The following CDK5RAP2 variants were observed in gnomAD, a reference collection of about 807,000 sequenced individuals.
CDK5RAP2 encodes the protein CDK5 regulatory subunit associated protein 2.
In CDK5RAP2, 147 loss-of-function variants were observed where a neutral mutation model predicts 232.9. The observed-to-expected ratio is 0.63, with a 90% confidence interval of 0.55 to 0.72. CDK5RAP2 has a LOEUF of 0.72. CDK5RAP2 is among the 30% of genes least tolerant of loss of function. CDK5RAP2 has a pLI of 0.00. For missense variants in CDK5RAP2, 2,195 were observed against 2,231.5 expected (o/e 0.98, Z 0.33); for synonymous variants, 833 against 833.7 (o/e 1.00, Z 0.01).
intron 12 of CDK5RAP2, among the ~76,000 whole-genome samples, chr9:120,495,808 G>A: frequency 1.3e-4 from 6 of 47,900 alleles, no homozygotes; most frequent in African/African-American, 5.1e-4. Context: ...AGGTGGGGGG[G>A]TCAGCCCCCC....
At chr9:120,549,476 T>G (rs182195261) in intron 4 of CDK5RAP2, among the ~76,000 whole-genome samples, 1 of 152,148 alleles carries the variant, frequency 6.6e-6, no homozygotes, top group Non-Finnish European at 1.5e-5. Flanking sequence ...AGTCAGACAA[T>G]TGAAGTGGTA....
At chr9:120,572,471 T>C (rs2042888723) in intron 1 of CDK5RAP2, among the ~76,000 whole-genome samples, 1 of 152,234 alleles carries the variant, frequency 6.6e-6, no homozygotes, top group Non-Finnish European at 1.5e-5. Context: ...TTGTTGTTGT[T>C]ACTATTATCA....
intron 3 of CDK5RAP2, among the ~76,000 whole-genome samples, chr9:120,565,953 A>C (rs2042631714): frequency 6.6e-6 from 1 of 152,242 alleles, no homozygotes; most frequent in Non-Finnish European, 1.5e-5. Flanking sequence ...ACAGTGGCAT[A>C]TATTAAAAAA....
At chr9:120,440,672 A>G (rs932486357) in intron 23 of CDK5RAP2, among the ~76,000 whole-genome samples, 6 of 152,216 alleles carry the variant, frequency 3.9e-5, no homozygotes, top group African/African-American at 1.4e-4. Context: ...CGTCATCTGA[A>G]TGTAGCTCTC....
Position 120,402,801 on chromosome 9 carries a change from G to A in CDK5RAP2, c.5307+5C>T. 1 of 1,613,862 alleles carries A rather than the reference G, an allele frequency of 6.2e-7. No homozygotes were observed. Among genetic ancestry groups the A allele is most frequent in the Non-Finnish European group, 8.5e-7 (1 of 1,180,016 alleles). The stretch of plus-strand genomic sequence containing the variant: ...TTGTGCCCCCCAGCTCTGTGGTCAG[G>A]TTACCTTTGTTCCCAGCTCTTGACT... On this transcript the variant is annotated splice_donor_5th_base_variant and intron_variant, in intron 34 of 37. Coordinates refer to ENST00000349780, the MANE Select transcript of CDK5RAP2 (RefSeq NM_018249.6).
chr9:120,517,491 A>G (rs2040390075), intron 12 of CDK5RAP2, among the ~76,000 whole-genome samples: 1 of 152,112 alleles, frequency 6.6e-6, no homozygotes, highest in Non-Finnish European at 1.5e-5. Context: ...CCCCAATCCT[A>G]CCTGATTGCA....
At chr9:120,418,987 A>G (rs963468503) in intron 27 of CDK5RAP2, among the ~76,000 whole-genome samples, 8 of 152,158 alleles carry the variant, frequency 5.3e-5, no homozygotes, top group African/African-American at 1.7e-4. Flanking sequence ...CAAAATTCCT[A>G]TGTTGAAGCT....
At chr9:120,454,031 T>C (rs2036620077) in intron 20 of CDK5RAP2, among the ~76,000 whole-genome samples, 158 bp from the exon 21 acceptor site, 1 of 152,164 alleles carries the variant, frequency 6.6e-6, no homozygotes, top group Admixed American at 6.5e-5. Context: ...ACATCCAGTA[T>C]TTTATCCTGT....
In CDK5RAP2 at chr9:120,518,242, A is replaced by C. The variant is rs184898896; in HGVS notation, c.1311+185T>G. On this transcript the variant is annotated intron_variant, in intron 12 of 37. Coordinates refer to ENST00000349780, the MANE Select transcript of CDK5RAP2 (RefSeq NM_018249.6). ...GAGAGAGAGAGAGAGAGAGAGAGAGAGCGAGGAGAATAAAAGGACTGAAAT... is the reference window on the plus strand; with the variant it reads ...GAGAGAGAGAGAGAGAGAGAGAGAGCGCGAGGAGAATAAAAGGACTGAAAT... Among the ~76,000 whole-genome samples the C allele has an allele frequency of 3.2e-3, 477 of 148,408 alleles. 3 individuals are homozygous for C. The highest frequency in any genetic ancestry group is 0.011 in the African/African-American group (440 of 39,514).
intron 36 of CDK5RAP2, among the ~76,000 whole-genome samples, chr9:120,393,266 C>T (rs534080406): frequency 6.6e-6 from 1 of 152,342 alleles, no homozygotes; most frequent in South Asian, 2.1e-4. Context: ...ACGACCCTCA[C>T]TGGCAAAGAC....
intron 17 of CDK5RAP2, among the ~76,000 whole-genome samples, chr9:120,468,407 C>T (rs546962838): frequency 1.2e-4 from 18 of 152,310 alleles, no homozygotes; most frequent in Middle Eastern, 3.4e-3. Context: ...TCTCCCAAGG[C>T]GAAAGTTTCT....
rs765634414 is a variant in CDK5RAP2 at position 120,439,843 on chromosome 9, C to T, written c.3278G>A (p.Ser1093Asn). 2 of 1,614,172 alleles carry T rather than the reference C, an allele frequency of 1.2e-6. No individual in the cohort carries two copies. The highest frequency in any genetic ancestry group is 1.7e-6 in the Non-Finnish European group (2 of 1,180,026). The change falls in exon 24 of 38, where the codon AGT becomes AAT. Residue 1093 changes from serine (S) to asparagine (N), a missense_variant. Ser to Asn is a conservative substitution (Grantham distance 46). Transcript: ENST00000349780. ...SSKSQPSAKVSVMGTDQSESI... is the reference protein window; with the variant it reads ...SSKSQPSAKVNVMGTDQSESI... ...CTCTGACTGATCAGTCCCCATCACACTGACTTTAGCAGAAGGCTGACTCTT... is the reference window on the plus strand; with the variant it reads ...CTCTGACTGATCAGTCCCCATCACATTGACTTTAGCAGAAGGCTGACTCTT...
intron 12 of CDK5RAP2, among the ~76,000 whole-genome samples, chr9:120,513,561 T>C (rs1467472412): frequency 6.6e-6 from 1 of 152,142 alleles, no homozygotes; most frequent in Non-Finnish European, 1.5e-5. Flanking sequence ...AACCTTCCTC[T>C]CCCTTGCCTA....
At chr9:120,439,302 A>G in intron 24 of CDK5RAP2, 97 bp downstream of exon 24, 5 of 1,052,236 alleles carry the variant, frequency 4.8e-6, no homozygotes, top group Non-Finnish European at 5.9e-6. Flanking sequence ...TCTACCCATC[A>G]CAGAGTAGTG....
chr9:120,550,296 C>T (rs1008949404), intron 4 of CDK5RAP2, among the ~76,000 whole-genome samples: 1 of 152,200 alleles, frequency 6.6e-6, no homozygotes, highest in African/African-American at 2.4e-5. Flanking sequence ...CAAAGGAAGC[C>T]TCAAGAAGAC....
chr9:120,544,238 A>G (rs1256794463), intron 5 of CDK5RAP2, among the ~76,000 whole-genome samples: 1 of 152,202 alleles, frequency 6.6e-6, no homozygotes, highest in Non-Finnish European at 1.5e-5. Context: ...CATGTGTACG[A>G]GCTTAACTAA....
chr9:120,403,175 TGCCCAAATGCCACCCAACACAA>T lies in CDK5RAP2; in HGVS notation c.5042-126_5042-105del, dbSNP rs1333182861. The stretch of plus-strand genomic sequence containing the variant: ...CTAGGAGGGCTAGAAGAGGCCCTCG[TGCCCAAATGCCACCCAACACAA>T]GCCCAGAGGGGAAAAGAGGCACGCT... On this transcript the variant is annotated intron_variant, in intron 33 of 37. Transcript: ENST00000349780. The surrounding 1 kb of genome is among the most constrained non-coding windows in gnomAD (Gnocchi z 4.2). 8.6e-6 allele frequency: 10 copies of T among 1,167,860 alleles called. No homozygotes were observed. The highest frequency in any genetic ancestry group is 1.5e-5 in the African/African-American group (1 of 65,958). The allele number at this position is 1,167,860 out of a possible 1,614,324, so 72.3% of individuals were successfully genotyped here. A position where few individuals can be genotyped will look rare whatever the true frequency, so the allele number is the denominator to read the frequency against.
At chr9:120,563,734 C>T (rs1476807881) in intron 3 of CDK5RAP2, among the ~76,000 whole-genome samples, 1 of 152,150 alleles carries the variant, frequency 6.6e-6, no homozygotes, top group Non-Finnish European at 1.5e-5. Context: ...CTGAAAGCTT[C>T]GGGGCCATAC....
chr9:120,426,080 C>T (rs956968863), intron 25 of CDK5RAP2, among the ~76,000 whole-genome samples: 1 of 152,196 alleles, frequency 6.6e-6, no homozygotes, highest in African/African-American at 2.4e-5. Flanking sequence ...ACTTAAGGGA[C>T]TCTGGGGAGG....
Sources: allele counts gnomAD v4.1 joint callset (sites outside exome capture counted in the v4.1 genomes callset), GRCh38; gene constraint gnomAD v4.1.1; non-coding constraint Gnocchi (gnomAD v3.1); transcripts MANE v1.5; gene names NCBI Gene and HGNC (gene_info 2026-07-23, HGNC 2026-07-21).